NLK: variants seen among roughly 807,000 people sequenced by gnomAD.
The protein encoded by NLK is serine/threonine-protein kinase NLK.
Under a neutral mutation model 59.0 loss-of-function variants are expected in NLK, and 11 were observed. The observed-to-expected ratio is 0.19, with a 90% CI of 0.12 to 0.31. The LOEUF is 0.31. Ranked by LOEUF, NLK falls within the 10% of genes least tolerant of loss-of-function variation. The probability of loss-of-function intolerance (pLI) is 1.00; values close to 1 mark genes in which losing one functional copy is unlikely to be tolerated. For missense variants in NLK, 410 were observed against 661.1 expected (o/e 0.62, Z 4.16); for synonymous variants, 235 against 235.9 (o/e 1.00, Z 0.03).
chr17:28,156,307 C>T (rs751993616), intron 3 of NLK, among the ~76,000 whole-genome samples: 3 of 152,050 alleles, frequency 2.0e-5, no homozygotes, highest in Non-Finnish European at 4.4e-5. Flanking sequence ...AGTAGATAAC[C>T]AAACATCACA....
intron 1 of NLK, among the ~76,000 whole-genome samples, chr17:28,090,044 A>C (rs1765575928): frequency 6.6e-6 from 1 of 152,090 alleles, no homozygotes; most frequent in African/African-American, 2.4e-5. Context: ...AATTTTAATG[A>C]CTTCCAGTTT....
At chr17:28,048,249 G>T in intron 1 of NLK, 1 of 314,912 alleles carries the variant, frequency 3.2e-6, no homozygotes, top group Non-Finnish European at 5.7e-6. Flanking sequence ...AGCCTATAAC[G>T]TTGCAAGTCA....
At chr17:28,169,682 C>G (rs1908382630) in intron 6 of NLK, among the ~76,000 whole-genome samples, 1 of 148,474 alleles carries the variant, frequency 6.7e-6, no homozygotes, top group Non-Finnish European at 1.5e-5. Flanking sequence ...GGGTAAGTTA[C>G]TTAACCTCTG....
intron 1 of NLK, among the ~76,000 whole-genome samples, chr17:28,115,483 AG>A (rs1905725713): frequency 6.6e-6 from 1 of 152,280 alleles, no homozygotes; most frequent in East Asian, 1.9e-4. Flanking sequence ...GTCTCTTTTT[AG>A]ATTGATTATA....
chr17:28,130,583 T>C (rs1906475296), intron 2 of NLK, among the ~76,000 whole-genome samples: 1 of 152,090 alleles, frequency 6.6e-6, no homozygotes, highest in Non-Finnish European at 1.5e-5. Flanking sequence ...TCTATCAAGG[T>C]TTAATATGTA....
chr17:28,198,178 C>T (rs1373959647), downstream of NLK, among the ~76,000 whole-genome samples: 2 of 152,096 alleles, frequency 1.3e-5, no homozygotes, highest in Non-Finnish European at 2.9e-5. Context: ...GCTCTGTCAC[C>T]CAGACTGGAG....
At chr17:28,079,286 T>G (rs1274874172) in intron 1 of NLK, among the ~76,000 whole-genome samples, 1 of 152,222 alleles carries the variant, frequency 6.6e-6, no homozygotes, top group Admixed American at 6.5e-5. Context: ...GACAGATGTT[T>G]CCATCTCTTG....
chr17:28,172,546 A>G lies in NLK; in HGVS notation c.1077A>G (p.Thr359=). 6.3e-7 allele frequency: 1 copy of G among 1,594,696 alleles called. No homozygotes were observed. Among genetic ancestry groups the G allele is most frequent in the Non-Finnish European group, 8.5e-7 (1 of 1,171,390 alleles). The stretch of plus-strand genomic sequence containing the variant: ...ATTTGATCACGGATCTGTTGGGCAC[A>G]CCATCACTGGAAGCAATGAGGACAG... ...QLDLITDLLG[T]PSLEAMRTAC... is the part of the protein sequence containing the mutation. Residue 359 remains threonine, a synonymous_variant, in exon 7 of 11, where the codon ACA becomes ACG. Coordinates refer to ENST00000407008, the MANE Select transcript of NLK (RefSeq NM_016231.5).
At chr17:28,071,456 A>G (rs1910004662) in intron 1 of NLK, among the ~76,000 whole-genome samples, 1 of 148,256 alleles carries the variant, frequency 6.7e-6, no homozygotes, top group Non-Finnish European at 1.5e-5. Flanking sequence ...TTTTTTTAAC[A>G]GCCTTTGTCA....
In NLK at chr17:28,042,914, C is replaced by A; in HGVS notation, c.41C>A (p.Ala14Glu). 3 of 1,534,748 alleles carry A rather than the reference C, an allele frequency of 2.0e-6. No individual in the cohort carries two copies. The highest frequency in any genetic ancestry group is 2.6e-6 in the Non-Finnish European group (3 of 1,138,104). Reference sequence around the variant, plus strand: ...GCAAGAGCCAACGCAAAAATGATGGCGGCTTACAATGGCGGTACATCTGCA... The same window carrying A: ...GCAAGAGCCAACGCAAAAATGATGGAGGCTTACAATGGCGGTACATCTGCA... Reference protein sequence around the residue: ...CGARANAKMMAAYNGGTSAAA... With the variant: ...CGARANAKMMEAYNGGTSAAA... Residue 14 changes from alanine (A) to glutamate (E), a missense_variant, in exon 1 of 11, where the codon GCG (alanine) becomes GAG (glutamate). Transcript: ENST00000407008.
At chr17:28,112,430 G>C (rs1192680937) in intron 1 of NLK, among the ~76,000 whole-genome samples, 2 of 152,092 alleles carry the variant, frequency 1.3e-5, no homozygotes, top group African/African-American at 4.8e-5. Flanking sequence ...TGGCAGGGGT[G>C]GGGTAAGAAG....
At chr17:28,076,750 AAAAC>A (rs1910171473) in intron 1 of NLK, among the ~76,000 whole-genome samples, 1 of 152,186 alleles carries the variant, frequency 6.6e-6, no homozygotes, top group South Asian at 2.1e-4. Flanking sequence ...AAAACAGTGA[AAAAC>A]AAAGAAGTGG....
At chr17:28,168,834 T>C (rs1409033862) in intron 6 of NLK, among the ~76,000 whole-genome samples, 177 bp downstream of exon 6, 2 of 152,236 alleles carry the variant, frequency 1.3e-5, no homozygotes, top group African/African-American at 4.8e-5. Flanking sequence ...ATTCATTTTG[T>C]AACTTATGAG....
intron 7 of NLK, among the ~76,000 whole-genome samples, chr17:28,181,413 C>G (rs931774239): frequency 1.3e-5 from 2 of 148,652 alleles, no homozygotes; most frequent in African/African-American, 5.0e-5. Flanking sequence ...AAAAAAGAAA[C>G]AAAAAAAAAG....
chr17:28,138,539 G>C (rs989103075), intron 3 of NLK, among the ~76,000 whole-genome samples: 4 of 152,206 alleles, frequency 2.6e-5, no homozygotes, highest in African/African-American at 9.7e-5. Flanking sequence ...ATTTCAGCCA[G>C]TAAGAGTCTC....
intron 1 of NLK, among the ~76,000 whole-genome samples, chr17:28,094,965 C>G (rs1418010285): frequency 6.6e-6 from 1 of 152,172 alleles, no homozygotes; most frequent in African/African-American, 2.4e-5. Context: ...ATATTTGCAG[C>G]TCTTCTTTAA....
At chr17:28,152,709 G>A (rs566235163) in intron 3 of NLK, among the ~76,000 whole-genome samples, 3 of 151,630 alleles carry the variant, frequency 2.0e-5, no homozygotes, top group Admixed American at 6.6e-5. Flanking sequence ...CCACAGCCTC[G>A]ACCTCCTGGG....
At chr17:28,053,922 G>A (rs976329889) in intron 1 of NLK, among the ~76,000 whole-genome samples, 1 of 152,034 alleles carries the variant, frequency 6.6e-6, no homozygotes, top group African/African-American at 2.4e-5. Flanking sequence ...GTACCCAAAG[G>A]GTACAATTAT....
At chr17:28,085,365 G>A (rs186894152) in intron 1 of NLK, among the ~76,000 whole-genome samples, 7 of 152,268 alleles carry the variant, frequency 4.6e-5, no homozygotes, top group Non-Finnish European at 1.0e-4. Context: ...AACAAGCGAA[G>A]AAAGTACATA....
Sources: allele counts gnomAD v4.1 joint callset (sites outside exome capture counted in the v4.1 genomes callset), GRCh38; gene constraint gnomAD v4.1.1; transcripts MANE v1.5; gene names NCBI Gene and HGNC (gene_info 2026-07-23, HGNC 2026-07-21).